The following PLCG2 variants were observed in gnomAD, a reference collection of about 807,000 sequenced individuals.
PLCG2 encodes phospholipase C gamma 2.
In PLCG2, 69 loss-of-function variants were observed where a neutral mutation model predicts 175.6. The observed-to-expected ratio is 0.39, with a 90% CI of 0.32 to 0.48. The LOEUF is 0.48. Ranked by LOEUF, PLCG2 falls within the 20% of genes least tolerant of loss-of-function variation. The probability of loss-of-function intolerance (pLI) is 0.91; values close to 1 mark genes in which losing one functional copy is unlikely to be tolerated. For missense variants in PLCG2, 1,798 were observed against 1,650.9 expected, an observed-to-expected ratio of 1.09 and a Z score of -1.54; for synonymous variants, 827 against 624.0, an observed-to-expected ratio of 1.33 and a Z score of -4.85.
At chr16:81,901,473 C>T (rs116648068) in intron 14 of PLCG2, among the ~76,000 whole-genome samples, 2,072 of 152,306 alleles carry the variant, frequency 0.014, 46 homozygotes, top group African/African-American at 0.048. Flanking sequence ...CTCAGGGACC[C>T]GGGGCCCCCG....
At chr16:81,805,525 G>A (rs374825895) in intron 2 of PLCG2, among the ~76,000 whole-genome samples, 75 of 143,002 alleles carry the variant, frequency 5.2e-4, no homozygotes, top group African/African-American at 1.8e-3. Flanking sequence ...AAAACAAAAC[G>A]CAAGAAAACA....
chr16:81,934,488 G>A lies in PLCG2; in HGVS notation c.2799G>A (p.Leu933=). Residue 933 remains leucine, a synonymous_variant, in exon 26 of 33, where the codon CTG becomes CTA. Coordinates refer to ENST00000564138, the MANE Select transcript of PLCG2 (RefSeq NM_002661.5). ...NQSIAIELSD[L]VVYCKPTSKT... ...CCATCGCCATCGAGCTCTCTGACCT[G>A]GTTGTCTACTGCAAACCAACCAGCA... is the stretch of plus-strand genomic sequence containing the variant. 1 of 1,613,492 alleles carries A rather than the reference G, an allele frequency of 6.2e-7. No homozygotes were observed. The highest frequency in any genetic ancestry group is 1.7e-5 in the Admixed American group (1 of 60,002).
At chr16:81,939,865 C>G (rs2143736794) in intron 29 of PLCG2, 27 bp from the exon 30 acceptor site, 2 of 1,565,882 alleles carry the variant, frequency 1.3e-6, no homozygotes, top group Non-Finnish European at 1.8e-6. Flanking sequence ...CCAATGTGGC[C>G]TCTCATGAGC....
intron 7 of PLCG2, among the ~76,000 whole-genome samples, chr16:81,878,481 A>G (rs1022800682): frequency 6.6e-6 from 1 of 152,106 alleles, no homozygotes; most frequent in Non-Finnish European, 1.5e-5. Flanking sequence ...AACTTTTTCT[A>G]TCTTTAGAAC....
chr16:81,802,759 C>T (rs529390330), intron 2 of PLCG2, among the ~76,000 whole-genome samples: 8 of 151,934 alleles, frequency 5.3e-5, no homozygotes, highest in African/African-American at 9.7e-5. Flanking sequence ...TTAGTAGGGA[C>T]GGCATTTCAT....
At chr16:81,951,908 C>A (rs1042601039) in intron 31 of PLCG2, among the ~76,000 whole-genome samples, 1 of 152,060 alleles carries the variant, frequency 6.6e-6, no homozygotes, top group Admixed American at 6.6e-5. Context: ...TTAAACTGTA[C>A]AAATTCTGAT....
chr16:81,782,109 CT>C (rs368125576), intron 1 of PLCG2, among the ~76,000 whole-genome samples: 2 of 152,074 alleles, frequency 1.3e-5, no homozygotes, highest in Non-Finnish European at 2.9e-5. Flanking sequence ...ATCTCCTGAC[CT>C]CATGATCCGC....
At chr16:81,927,326 T>C (rs1211083950) in intron 23 of PLCG2, 148 bp downstream of exon 23, 2 of 622,696 alleles carry the variant, frequency 3.2e-6, no homozygotes, top group African/African-American at 1.8e-5. Context: ...ACAGTGATGA[T>C]AGGGAAATTG....
At chr16:81,845,449 C>T (rs1338424321) in intron 2 of PLCG2, among the ~76,000 whole-genome samples, 1 of 152,214 alleles carries the variant, frequency 6.6e-6, no homozygotes, top group Non-Finnish European at 1.5e-5. Context: ...CTGTTGTTCA[C>T]ATGAAGAAGC....
At position 81,919,438 on chromosome 16, in the gene PLCG2, G is replaced by A. The variant is rs753185008; in HGVS notation, c.2055-46G>A. 3.3e-6 allele frequency: 5 copies of A among 1,525,286 alleles called. No homozygotes were observed. In the South Asian group the frequency reaches 4.6e-5, roughly 14 times the overall value. The allele number at this position is 1,525,286 out of a possible 1,614,324, so 94.5% of individuals were successfully genotyped here. A position where few individuals can be genotyped will look rare whatever the true frequency, so the allele number is the denominator to read the frequency against. On this transcript the variant is annotated intron_variant, in intron 19 of 32. Transcript: ENST00000564138. ...GTAGGGTTTGTGTAAAAATTGTTTG[G>A]CCACCAGGATCTTGGCATGTCAACC... is the stretch of plus-strand genomic sequence containing the variant.
intron 2 of PLCG2, among the ~76,000 whole-genome samples, chr16:81,788,447 A>T (rs1247485108): frequency 1.3e-5 from 2 of 151,988 alleles, no homozygotes; most frequent in Non-Finnish European, 2.9e-5. Flanking sequence ...CGCCCGGCTA[A>T]TTTTTTGTAT....
At chr16:81,916,306 C>A (rs1296234754) in intron 19 of PLCG2, among the ~76,000 whole-genome samples, 1 of 142,744 alleles carries the variant, frequency 7.0e-6, no homozygotes, top group South Asian at 2.2e-4. Context: ...AGAAAAAAAA[C>A]AACGTTTTTT....
chr16:81,938,570 G>C, intron 28 of PLCG2: 1 of 554,080 alleles, frequency 1.8e-6, no homozygotes, highest in Non-Finnish European at 3.2e-6. Context: ...TACCTGTTGA[G>C]TCAGGTGGCA....
intron 2 of PLCG2, among the ~76,000 whole-genome samples, chr16:81,818,882 G>GGTTTTTTT (rs1567480211): frequency 1.7e-5 from 1 of 59,646 alleles, no homozygotes; most frequent in Non-Finnish European, 2.9e-5. Flanking sequence ...TGGGCTCATG[G>GGTTTTTTT]ATTTTTTTTT....
intron 2 of PLCG2, 79 bp from the exon 3 acceptor site, chr16:81,854,365 C>A: frequency 7.5e-7 from 1 of 1,336,498 alleles, no homozygotes; most frequent in Non-Finnish European, 1.1e-6. Flanking sequence ...CAGGCTGTGC[C>A]TGGGCTGCAG....
At chr16:81,790,068 T>C (rs1911162887) in intron 2 of PLCG2, among the ~76,000 whole-genome samples, 1 of 152,212 alleles carries the variant, frequency 6.6e-6, no homozygotes, top group South Asian at 2.1e-4. Flanking sequence ...AATTCCCTTA[T>C]CTGTGGACTG....
intron 13 of PLCG2, chr16:81,898,028 C>A (rs1387153491): frequency 1.4e-5 from 5 of 351,736 alleles, no homozygotes; most frequent in Non-Finnish European, 2.8e-5. Context: ...TGCCAACCTC[C>A]ATCAGGCAGA....
upstream of PLCG2, among the ~76,000 whole-genome samples, chr16:81,776,441 C>T (rs1483233778): frequency 2.0e-5 from 3 of 151,638 alleles, no homozygotes; most frequent in Non-Finnish European, 4.4e-5. Flanking sequence ...TATTTTATTC[C>T]ATGGAAAAGA....
In PLCG2 at chr16:81,880,968, G is replaced by A. The variant is rs1222586724; in HGVS notation, c.692+15G>A. 1.9e-6 allele frequency: 3 copies of A among 1,613,992 alleles called. No homozygotes were observed. Among genetic ancestry groups the A allele is most frequent in the African/African-American group, 1.3e-5 (1 of 75,070 alleles). Reference sequence around the variant, plus strand: ...TTCATCCTGGGGTGAGGCAGCTCTTGTGTGTCGTTCGGGGCGGCTGTGCCG... The same window carrying A: ...TTCATCCTGGGGTGAGGCAGCTCTTATGTGTCGTTCGGGGCGGCTGTGCCG... On this transcript the variant is annotated intron_variant, in intron 8 of 32. Coordinates refer to ENST00000564138, the MANE Select transcript of PLCG2 (RefSeq NM_002661.5).
Sources: gnomAD v4.1 joint callset for allele counts (sites outside exome capture counted in the v4.1 genomes callset) on GRCh38, gnomAD v4.1.1 for gene constraint, MANE v1.5 for transcripts, NCBI Gene and HGNC (gene_info 2026-07-23, HGNC 2026-07-21) for gene names.